PAPPA: variants seen among roughly 807,000 people sequenced by gnomAD.
The protein encoded by PAPPA is pappalysin-1.
Under a neutral mutation model 164.0 loss-of-function variants are expected in PAPPA, and 60 were observed. The observed-to-expected ratio is 0.37, with a 90% CI of 0.30 to 0.45. The LOEUF is 0.45. Among genes scored for constraint, PAPPA ranks in the 20% least tolerant of loss-of-function variants. The pLI, the probability that PAPPA is intolerant of heterozygous loss-of-function variation, is 1.00. For synonymous variants in PAPPA, 875 were observed against 814.1 expected (o/e 1.07, Z -1.27); for missense variants, 1,782 against 2,087.3 (o/e 0.85, Z 2.85).
At chr9:116,340,209 A>G (rs1846118107) in intron 13 of PAPPA, among the ~76,000 whole-genome samples, 1 of 152,198 alleles carries the variant, frequency 6.6e-6, no homozygotes, top group African/African-American at 2.4e-5. Context: ...ATGAAGCAGC[A>G]GAGCCTTTTA....
intron 7 of PAPPA, among the ~76,000 whole-genome samples, chr9:116,240,491 G>T (rs1004979093): frequency 6.6e-6 from 1 of 152,168 alleles, no homozygotes; most frequent in African/African-American, 2.4e-5. Context: ...TAGACACAAG[G>T]TAAGCACTGA....
chr9:116,368,379 T>C (rs952736866), intron 19 of PAPPA, among the ~76,000 whole-genome samples: 3 of 152,234 alleles, frequency 2.0e-5, no homozygotes, highest in Non-Finnish European at 4.4e-5. Context: ...CATTTTCCAG[T>C]TGTGGACACT....
At chr9:116,313,111 A>G (rs1222459023) in intron 10 of PAPPA, among the ~76,000 whole-genome samples, 1 of 150,892 alleles carries the variant, frequency 6.6e-6, no homozygotes, top group Non-Finnish European at 1.5e-5. Flanking sequence ...AGAAACTCCA[A>G]CCATGATTTT....
intron 7 of PAPPA, among the ~76,000 whole-genome samples, chr9:116,249,703 C>G (rs965317910): frequency 1.3e-5 from 2 of 152,104 alleles, no homozygotes; most frequent in African/African-American, 4.8e-5. Context: ...GGATAAAATA[C>G]TTGGAAAACT....
intron 4 of PAPPA, among the ~76,000 whole-genome samples, chr9:116,215,787 A>G (rs530610299): frequency 6.6e-6 from 1 of 152,372 alleles, no homozygotes; most frequent in South Asian, 2.1e-4. Flanking sequence ...TGTCCTTGGT[A>G]TCATAATTAG....
intron 2 of PAPPA, among the ~76,000 whole-genome samples, chr9:116,205,403 C>A (rs921476097): frequency 1.3e-5 from 2 of 152,172 alleles, no homozygotes; most frequent in Admixed American, 1.3e-4. Context: ...TCTCTAATAA[C>A]ATTTGTGTTC....
chr9:116,324,185 T>TAA (rs983621491), intron 10 of PAPPA, among the ~76,000 whole-genome samples: 50 of 152,342 alleles, frequency 3.3e-4, no homozygotes, highest in Admixed American at 7.2e-4. Context: ...CTCTTGAAGT[T>TAA]AACATCTATG....
At chr9:116,296,695 G>GA (rs1845512712) in intron 9 of PAPPA, among the ~76,000 whole-genome samples, 1 of 152,140 alleles carries the variant, frequency 6.6e-6, no homozygotes, top group African/African-American at 2.4e-5. Context: ...TTAGCAAAGT[G>GA]AAAAATGGAA....
chr9:116,173,314 C>T (rs546608824), intron 1 of PAPPA, among the ~76,000 whole-genome samples: 250 of 152,262 alleles, frequency 1.6e-3, no homozygotes, highest in Non-Finnish European at 3.1e-3. Context: ...ATTGTGCTCA[C>T]ATTTCACCCT....
chr9:116,155,435 G>T (rs911164248), intron 1 of PAPPA, among the ~76,000 whole-genome samples: 1 of 152,204 alleles, frequency 6.6e-6, no homozygotes, highest in Non-Finnish European at 1.5e-5. Flanking sequence ...CCCTCTAAAT[G>T]AATCTGTGGA....
intron 7 of PAPPA, among the ~76,000 whole-genome samples, chr9:116,252,738 C>G (rs1452877291): frequency 6.6e-6 from 1 of 152,222 alleles, no homozygotes; most frequent in Non-Finnish European, 1.5e-5. Flanking sequence ...CATCTCACCT[C>G]AGAGCCTCCT....
intron 1 of PAPPA, among the ~76,000 whole-genome samples, chr9:116,156,252 A>G (rs1209948113): frequency 2.0e-5 from 3 of 149,068 alleles, no homozygotes; most frequent in Middle Eastern, 3.5e-3. Flanking sequence ...CATTTTAACT[A>G]TGTAAGTGTG....
chr9:116,176,695 T>C (rs1387623616), intron 1 of PAPPA, among the ~76,000 whole-genome samples: 1 of 152,186 alleles, frequency 6.6e-6, no homozygotes, highest in East Asian at 1.9e-4. Context: ...ATGTAGAGCA[T>C]TCATTCAATT....
At chr9:116,209,140 C>T (rs142929346) in intron 3 of PAPPA, among the ~76,000 whole-genome samples, 94 of 152,222 alleles carry the variant, frequency 6.2e-4, no homozygotes, top group African/African-American at 2.2e-3. Flanking sequence ...GATAGACAGA[C>T]ACAGACAGGT....
intron 3 of PAPPA, among the ~76,000 whole-genome samples, chr9:116,208,498 A>G (rs1564184486): frequency 6.6e-6 from 1 of 152,142 alleles, no homozygotes; most frequent in Non-Finnish European, 1.5e-5. Context: ...TTTAATAGCC[A>G]CATAATATTC....
intron 9 of PAPPA, chr9:116,287,335 T>C (rs1845352502): frequency 6.6e-6 from 1 of 152,204 alleles, no homozygotes; most frequent in African/African-American, 2.4e-5. Flanking sequence ...TTAGCCCTTC[T>C]GGGGGTGGGT....
At chr9:116,207,337 T>A in intron 2 of PAPPA, 119 bp from the exon 3 acceptor site, 1 of 674,184 alleles carries the variant, frequency 1.5e-6, no homozygotes, top group Non-Finnish European at 2.5e-6. Context: ...TTCAATAAGG[T>A]AGTATTTTTA....
At chr9:116,155,320 A>G (rs1013742112) in intron 1 of PAPPA, among the ~76,000 whole-genome samples, 4 of 151,240 alleles carry the variant, frequency 2.6e-5, no homozygotes, top group East Asian at 1.9e-4. Flanking sequence ...TCCCTCCTCA[A>G]CCTCCCTCTC....
chr9:116,190,883 C>T (rs2118637359), intron 2 of PAPPA, among the ~76,000 whole-genome samples: 1 of 152,290 alleles, frequency 6.6e-6, no homozygotes, highest in Admixed American at 6.5e-5. Context: ...TGGGTGAGGC[C>T]CACCAGGTCA....
Sources: gnomAD v4.1 joint callset for allele counts (sites outside exome capture counted in the v4.1 genomes callset) on GRCh38, gnomAD v4.1.1 for gene constraint, MANE v1.5 for transcripts, NCBI Gene and HGNC (gene_info 2026-07-23, HGNC 2026-07-21) for gene names.